DLGAP2: variants seen among roughly 807,000 people sequenced by gnomAD.
The protein encoded by DLGAP2 is DLG associated protein 2, also known as disks large-associated protein 2.
DLGAP2 carries 26 observed loss-of-function variants against 100.3 expected under a neutral mutation model. The ratio of observed to expected loss-of-function variants is 0.26; its 90% CI spans 0.19 to 0.36. DLGAP2 has a LOEUF of 0.36. Ranked by LOEUF, DLGAP2 falls within the 10% of genes least tolerant of loss-of-function variation. The pLI is 1.00. For missense variants in DLGAP2, 1,858 were observed against 1,453.2 expected, an observed-to-expected ratio of 1.28 and a Z score of -4.53; for synonymous variants, 886 against 630.1, an observed-to-expected ratio of 1.41 and a Z score of -6.08.
At chr8:816,580 C>A (rs963242749) in intron 1 of DLGAP2, among the ~76,000 whole-genome samples, 1 of 152,156 alleles carries the variant, frequency 6.6e-6, no homozygotes, top group African/African-American at 2.4e-5. Flanking sequence ...AGGGTTCCTG[C>A]TGAGAAATCT....
chr8:1,214,306 ACCTGCGGC>A (rs1798167571), intron 2 of DLGAP2, among the ~76,000 whole-genome samples: 1 of 151,980 alleles, frequency 6.6e-6, no homozygotes, highest in Admixed American at 6.6e-5. Flanking sequence ...AAAGCTCACT[ACCTGCGGC>A]CCCGCCACTC....
Position 1,291,195 on chromosome 8 carries a change from G to T in DLGAP2, c.106+32312G>T, listed in dbSNP as rs150602923. 5.6e-3 allele frequency among the ~76,000 whole-genome samples: 859 copies of T among 152,262 alleles called. 3 individuals are homozygous for T. The highest frequency in any genetic ancestry group is 0.014 in the Middle Eastern group (4 of 294). On this transcript the variant is annotated intron_variant, in intron 3 of 14. Transcript: ENST00000637795. ...AATATTAATGTTGAACATAAATGGTGTAACTGCTCCAGTTAAAAGTTACAG... is the reference window on the plus strand; with the variant it reads ...AATATTAATGTTGAACATAAATGGTTTAACTGCTCCAGTTAAAAGTTACAG...
At chr8:1,135,745 G>T (rs1310800766) in intron 2 of DLGAP2, among the ~76,000 whole-genome samples, 1 of 152,138 alleles carries the variant, frequency 6.6e-6, no homozygotes, top group Non-Finnish European at 1.5e-5. Flanking sequence ...GCTTACCGAT[G>T]CAGAGGATGG....
At chr8:1,148,263 C>A (rs1471655534) in intron 2 of DLGAP2, among the ~76,000 whole-genome samples, 1 of 152,110 alleles carries the variant, frequency 6.6e-6, no homozygotes, top group Non-Finnish European at 1.5e-5. Flanking sequence ...AGTTACACCA[C>A]CCTCTTAAAA....
chr8:1,052,355 G>T (rs893482722), intron 2 of DLGAP2, among the ~76,000 whole-genome samples: 2 of 152,220 alleles, frequency 1.3e-5, no homozygotes, highest in Non-Finnish European at 2.9e-5. Context: ...AAGCTCAGTA[G>T]CCTGTAATCC....
chr8:1,493,917 C>T (rs961845894), intron 3 of DLGAP2, among the ~76,000 whole-genome samples: 1 of 152,186 alleles, frequency 6.6e-6, no homozygotes, highest in African/African-American at 2.4e-5. Context: ...TCGAAAAAGG[C>T]CTGTACTATA....
intron 3 of DLGAP2, among the ~76,000 whole-genome samples, chr8:1,453,640 C>G (rs1223754541): frequency 6.6e-6 from 1 of 152,120 alleles, no homozygotes; most frequent in East Asian, 1.9e-4. Context: ...TCAACCTGTG[C>G]CTGCAACACC....
intron 2 of DLGAP2, among the ~76,000 whole-genome samples, chr8:912,109 A>G (rs1272931167): frequency 6.6e-6 from 1 of 152,212 alleles, no homozygotes; most frequent in Non-Finnish European, 1.5e-5. Context: ...TTCTACTGCC[A>G]CGAATAATTA....
chr8:1,080,320 G>A (rs576047668), intron 2 of DLGAP2, among the ~76,000 whole-genome samples: 2 of 152,340 alleles, frequency 1.3e-5, no homozygotes, highest in Admixed American at 6.5e-5. Flanking sequence ...CCGGGGGGCC[G>A]GCCTTTCCTC....
At chr8:851,665 C>T (rs1042329350) in intron 1 of DLGAP2, among the ~76,000 whole-genome samples, 2 of 152,186 alleles carry the variant, frequency 1.3e-5, no homozygotes, top group African/African-American at 4.8e-5. Flanking sequence ...TGCCGAATTG[C>T]TCAGATCAAG....
Position 1,168,828 on chromosome 8 carries a change from G to C in DLGAP2, c.74-90023G>C, listed in dbSNP as rs552225891. 7.4e-5 allele frequency among the ~76,000 whole-genome samples: 8 copies of C among 108,642 alleles called. No individual in the cohort carries two copies. In the East Asian group the frequency reaches 1.8e-3, roughly 25 times the overall value. The allele number at this position is 108,642 out of a possible 152,430, so 71.3% of individuals were successfully genotyped here. On this transcript the variant is annotated intron_variant, in intron 2 of 14. Transcript: ENST00000637795. Reference sequence around the variant, plus strand: ...TGCGAAAATTTTCTCCCATGTTGTAGGTTGCCTGTTCACTCTGATGGTAGT... The same window carrying C: ...TGCGAAAATTTTCTCCCATGTTGTACGTTGCCTGTTCACTCTGATGGTAGT...
At chr8:953,022 T>C (rs1206610189) in intron 2 of DLGAP2, among the ~76,000 whole-genome samples, 2 of 152,204 alleles carry the variant, frequency 1.3e-5, no homozygotes, top group Non-Finnish European at 2.9e-5. Flanking sequence ...TGGAAATTAT[T>C]GGTTCACTGA....
At chr8:1,241,818 C>G (rs1039038613) in intron 2 of DLGAP2, among the ~76,000 whole-genome samples, 13 of 151,888 alleles carry the variant, frequency 8.6e-5, no homozygotes, top group Non-Finnish European at 1.3e-4. Flanking sequence ...CGGCAGGACA[C>G]TCTTAAATCT....
intron 8 of DLGAP2, among the ~76,000 whole-genome samples, chr8:1,633,717 C>T (rs1797705595): frequency 6.6e-6 from 1 of 152,078 alleles, no homozygotes; most frequent in South Asian, 2.1e-4. Context: ...GCAATAAAAG[C>T]TCGAGGCGCC....
chr8:1,571,651 A>C (rs1357839183), intron 6 of DLGAP2, among the ~76,000 whole-genome samples: 1 of 114,582 alleles, frequency 8.7e-6, no homozygotes, highest in Non-Finnish European at 1.7e-5. Flanking sequence ...GCATCTGATG[A>C]GATGGAGAGA....
intron 8 of DLGAP2, among the ~76,000 whole-genome samples, chr8:1,639,473 C>T (rs1337143063): frequency 6.6e-6 from 1 of 152,212 alleles, no homozygotes; most frequent in Non-Finnish European, 1.5e-5. Flanking sequence ...CCACCCCCGA[C>T]CCAGGGTAAG....
chr8:747,720 T>G (rs1167563512), intron 1 of DLGAP2, among the ~76,000 whole-genome samples: 14 of 32,310 alleles, frequency 4.3e-4, no homozygotes, highest in East Asian at 1.1e-3. Flanking sequence ...GGAATGAACG[T>G]GTCTGCGGTG....
chr8:750,175 C>T (rs1378463734), intron 1 of DLGAP2, among the ~76,000 whole-genome samples: 2 of 152,250 alleles, frequency 1.3e-5, no homozygotes, highest in Admixed American at 6.5e-5. Context: ...CATGGGCGAA[C>T]GTTCCTGAGT....
At chr8:1,426,197 A>T (rs1338039189) in intron 3 of DLGAP2, among the ~76,000 whole-genome samples, 2 of 152,220 alleles carry the variant, frequency 1.3e-5, no homozygotes, top group East Asian at 1.9e-4. Flanking sequence ...TGTCCACCCA[A>T]TACCCACATC....
Sources: allele counts gnomAD v4.1 joint callset (sites outside exome capture counted in the v4.1 genomes callset), GRCh38; gene constraint gnomAD v4.1.1; transcripts MANE v1.5; gene names NCBI Gene and HGNC (gene_info 2026-07-23, HGNC 2026-07-21).